Variants in DENND1A observed in about 807,000 individuals in gnomAD.
DENND1A encodes DENN domain-containing protein 1A.
In DENND1A, 51 loss-of-function variants were observed where a neutral mutation model predicts 113.7. The observed-to-expected ratio is 0.45, with a 90% confidence interval of 0.36 to 0.57. The LOEUF is 0.57. DENND1A is among the 20% of genes least tolerant of loss of function. The pLI, the probability that DENND1A is intolerant of heterozygous loss-of-function variation, is 0.00. For synonymous variants in DENND1A, 565 were observed against 570.8 expected, an observed-to-expected ratio of 0.99 and a Z score of 0.14; for missense variants, 1,258 against 1,395.9, an observed-to-expected ratio of 0.90 and a Z score of 1.57.
rs761393788 is a variant in DENND1A, at chr9:123,738,015, TC to T, written c.302+19687del. ...TTTGACAGTCTTAGCTGAGAAAACT[TC>T]CTAGAAGAGTAAGAAATTGAAATAA... On this transcript the variant is annotated intron_variant, in intron 5 of 23. Coordinates refer to ENST00000394215, the MANE Select transcript of DENND1A (RefSeq NM_001352964.2). 1.6e-3 allele frequency among the ~76,000 whole-genome samples: 250 copies of T among 152,300 alleles called. 1 individual carries two copies. The highest frequency in any genetic ancestry group is 2.6e-3 in the Non-Finnish European group (177 of 68,028).
chr9:123,436,292 C>T (rs900115286), intron 19 of DENND1A, among the ~76,000 whole-genome samples: 14 of 152,244 alleles, frequency 9.2e-5, no homozygotes, highest in Admixed American at 7.9e-4. Context: ...AACGCCCTCC[C>T]GCAGCTCCTC....
At chr9:123,392,751 G>A (rs1465729131) in intron 21 of DENND1A, among the ~76,000 whole-genome samples, 1 of 152,132 alleles carries the variant, frequency 6.6e-6, no homozygotes, top group African/African-American at 2.4e-5. Flanking sequence ...AGATTTTGGT[G>A]CACCCATCGC....
intron 1 of DENND1A, among the ~76,000 whole-genome samples, chr9:123,900,568 G>A (rs536211948): frequency 7.9e-5 from 12 of 152,198 alleles, no homozygotes; most frequent in Non-Finnish European, 1.2e-4. Context: ...GAATCTACAC[G>A]TGTGATTAAG....
intron 13 of DENND1A, among the ~76,000 whole-genome samples, chr9:123,505,984 C>T (rs972562211): frequency 6.6e-6 from 1 of 151,648 alleles, no homozygotes; most frequent in African/African-American, 2.4e-5. Flanking sequence ...AGTGAGTGTG[C>T]CCCCTTCATG....
chr9:123,553,259 T>A (rs1191252358), intron 13 of DENND1A, among the ~76,000 whole-genome samples: 2 of 151,992 alleles, frequency 1.3e-5, no homozygotes, highest in Non-Finnish European at 2.9e-5. Context: ...CTCAAAATAA[T>A]AATAATAATA....
intron 5 of DENND1A, among the ~76,000 whole-genome samples, chr9:123,718,449 A>G (rs1336906080): frequency 1.3e-5 from 2 of 152,194 alleles, no homozygotes; most frequent in African/African-American, 4.8e-5. Context: ...AGATGGTAAT[A>G]CTCTTAAGCT....
intron 2 of DENND1A, among the ~76,000 whole-genome samples, chr9:123,858,489 A>T (rs1055549404): frequency 2.0e-5 from 3 of 152,166 alleles, no homozygotes; most frequent in Non-Finnish European, 4.4e-5. Context: ...TTAGTAAGTG[A>T]GTGGGTACAA....
chr9:123,661,931 T>C (rs988232192), intron 8 of DENND1A, among the ~76,000 whole-genome samples: 4 of 152,024 alleles, frequency 2.6e-5, no homozygotes, highest in Non-Finnish European at 5.9e-5. Context: ...CATTCTATCA[T>C]AGAGGCCCCA....
intron 13 of DENND1A, among the ~76,000 whole-genome samples, chr9:123,476,809 A>G (rs2049951385): frequency 6.6e-6 from 1 of 152,168 alleles, no homozygotes; most frequent in Non-Finnish European, 1.5e-5. Flanking sequence ...TGTCCACTTT[A>G]CAATTGGGAA....
At chr9:123,639,164 G>A (rs916550419) in intron 9 of DENND1A, among the ~76,000 whole-genome samples, 3 of 151,728 alleles carry the variant, frequency 2.0e-5, no homozygotes, top group Non-Finnish European at 4.4e-5. Context: ...TAGGCCGCAG[G>A]TGGTAGCTCA....
chr9:123,421,407 G>C (rs1302450943), intron 19 of DENND1A, among the ~76,000 whole-genome samples: 1 of 152,064 alleles, frequency 6.6e-6, no homozygotes, highest in East Asian at 1.9e-4. Context: ...GCTCCCAGGA[G>C]ACCCGACATA....
intron 21 of DENND1A, chr9:123,400,228 A>G (rs1416312362): frequency 6.6e-6 from 1 of 152,282 alleles, no homozygotes; most frequent in Admixed American, 6.5e-5. Context: ...AGGGACTAGG[A>G]AACCTATCAT....
At chr9:123,607,972 A>C (rs1033799663) in intron 11 of DENND1A, among the ~76,000 whole-genome samples, 11 of 152,134 alleles carry the variant, frequency 7.2e-5, no homozygotes. Context: ...CTAACGGTCC[A>C]TTGGTAAGTA....
intron 2 of DENND1A, among the ~76,000 whole-genome samples, chr9:123,798,902 T>C (rs918712000): frequency 6.6e-6 from 1 of 152,150 alleles, no homozygotes; most frequent in Admixed American, 6.5e-5. Flanking sequence ...AATTGATAGA[T>C]AATTATAGAT....
intron 20 of DENND1A, among the ~76,000 whole-genome samples, chr9:123,408,477 T>C (rs2044059277): frequency 6.6e-6 from 1 of 152,156 alleles, no homozygotes; most frequent in African/African-American, 2.4e-5. Context: ...CCAGGTGGTA[T>C]TGTTAAACCC....
chr9:123,625,571 C>T (rs1001393381), intron 10 of DENND1A, among the ~76,000 whole-genome samples: 3 of 152,156 alleles, frequency 2.0e-5, no homozygotes, highest in Non-Finnish European at 4.4e-5. Flanking sequence ...TGGCGAAACC[C>T]TGTCTCTACT....
chr9:123,641,996 T>C (rs1407960893), intron 9 of DENND1A, among the ~76,000 whole-genome samples: 4 of 152,094 alleles, frequency 2.6e-5, no homozygotes, highest in African/African-American at 9.7e-5. Context: ...CCAAAGTGCT[T>C]GATGTTTGTT....
intron 5 of DENND1A, among the ~76,000 whole-genome samples, chr9:123,748,134 A>G (rs2069679332): frequency 6.6e-6 from 1 of 152,242 alleles, no homozygotes; most frequent in Admixed American, 6.5e-5. Flanking sequence ...CACACAAATA[A>G]ATTATGTAGT....
At chr9:123,628,832 A>T (rs2061355322) in intron 10 of DENND1A, among the ~76,000 whole-genome samples, 1 of 152,268 alleles carries the variant, frequency 6.6e-6, no homozygotes. Context: ...TATACTCCAC[A>T]TGGTAGAAAA....
Sources: allele counts gnomAD v4.1 joint callset (sites outside exome capture counted in the v4.1 genomes callset), GRCh38; gene constraint gnomAD v4.1.1; transcripts MANE v1.5; gene names NCBI Gene and HGNC (gene_info 2026-07-23, HGNC 2026-07-21).